Variants in TOPAZ1 observed in about 807,000 individuals in gnomAD.
TOPAZ1 encodes testis and ovary specific TOPAZ 1.
A neutral mutation model predicts 172.2 loss-of-function variants in TOPAZ1; 66 were observed. The observed-to-expected ratio is 0.38, with a 90% confidence interval of 0.31 to 0.47. The LOEUF (loss-of-function observed/expected upper bound fraction) is 0.47, where lower values mean the gene tolerates loss of function less well. Among genes scored for constraint, TOPAZ1 ranks in the 20% least tolerant of loss-of-function variants. The pLI is 0.99. For synonymous variants in TOPAZ1, 681 were observed against 683.9 expected (o/e 1.00, Z 0.07); for missense variants, 1,822 against 1,972.4 (o/e 0.92, Z 1.44).
rs1559527669 is a variant in TOPAZ1 at position 44,257,355 on chromosome 3, GTGT to G, written c.2955+1078_2955+1080del. Among the ~76,000 whole-genome samples the G allele has an allele frequency of 6.2e-3, 183 of 29,648 alleles. 1 individual carries two copies. Among genetic ancestry groups the G allele is most frequent in the African/African-American group, 0.021 (154 of 7,308 alleles). 19.5% of individuals were successfully genotyped at this position (29,648 alleles called of 152,430 possible). On this transcript the variant is annotated intron_variant, in intron 4 of 19. Coordinates refer to ENST00000309765, the MANE Select transcript of TOPAZ1 (RefSeq NM_001145030.2). Reference sequence around the variant, plus strand: ...GTCTCAAAAAAGAAAACATAGGGGTGTGTGTGTGTGTGTGTGTGTGTGTGTGTG... The same window carrying G: ...GTCTCAAAAAAGAAAACATAGGGGTGGTGTGTGTGTGTGTGTGTGTGTGTG...
chr3:44,323,490 T>C (rs1199719639), intron 18 of TOPAZ1, among the ~76,000 whole-genome samples, 195 bp downstream of exon 18: 1 of 152,242 alleles, frequency 6.6e-6, no homozygotes, highest in Non-Finnish European at 1.5e-5. Flanking sequence ...GCTTTCCTTA[T>C]TTCCAATGTT....
chr3:44,260,115 C>A (rs1419391085), intron 4 of TOPAZ1, among the ~76,000 whole-genome samples: 1 of 152,148 alleles, frequency 6.6e-6, no homozygotes, highest in Non-Finnish European at 1.5e-5. Context: ...CCTTGCTTCC[C>A]CTTCACCTTG....
intron 8 of TOPAZ1, among the ~76,000 whole-genome samples, chr3:44,274,952 G>T (rs901394206): frequency 6.6e-6 from 1 of 150,854 alleles, no homozygotes; most frequent in Non-Finnish European, 1.5e-5. Flanking sequence ...CATATTTATG[G>T]GGTATATGTG....
At chr3:44,312,085 CCAA>C (rs1306766497) in intron 16 of TOPAZ1, among the ~76,000 whole-genome samples, 9 of 151,808 alleles carry the variant, frequency 5.9e-5, no homozygotes, top group African/African-American at 2.2e-4. Context: ...TTTTGTTACA[CCAA>C]CAATGGTAAC....
chr3:44,256,031 AT>A, intron 3 of TOPAZ1, 119 bp from the exon 4 acceptor site: 1 of 591,308 alleles, frequency 1.7e-6, no homozygotes, highest in Non-Finnish European at 2.8e-6. Context: ...TCTGCTTCAT[AT>A]TTGTCACATT....
At chr3:44,310,693 C>T (rs1700388983) in intron 16 of TOPAZ1, among the ~76,000 whole-genome samples, 1 of 152,128 alleles carries the variant, frequency 6.6e-6, no homozygotes, top group African/African-American at 2.4e-5. Flanking sequence ...GAATGGAGGC[C>T]AAATTCAAAT....
intron 12 of TOPAZ1, among the ~76,000 whole-genome samples, chr3:44,302,556 A>G (rs1432319489): frequency 6.6e-6 from 1 of 152,162 alleles, no homozygotes; most frequent in African/African-American, 2.4e-5. Context: ...CTATTCCTGC[A>G]CTGGAACCAC....
intron 2 of TOPAZ1, 70 bp downstream of exon 2, chr3:44,245,341 C>G: frequency 1.4e-6 from 2 of 1,405,568 alleles, no homozygotes; most frequent in African/African-American, 1.5e-5. Context: ...TTAAGTTTCA[C>G]TAATGTATTC....
chr3:44,304,662 T>C (rs149220702), intron 13 of TOPAZ1, among the ~76,000 whole-genome samples: 308 of 152,362 alleles, frequency 2.0e-3, no homozygotes, highest in African/African-American at 6.3e-3. Context: ...AGAAAGATAA[T>C]AAGTTGATTG....
chr3:44,293,859 G>A (rs538742692), intron 12 of TOPAZ1, among the ~76,000 whole-genome samples: 86 of 152,300 alleles, frequency 5.6e-4, no homozygotes, highest in African/African-American at 1.8e-3. Flanking sequence ...TAGCCTAGGT[G>A]ATTAGTAGGC....
chr3:44,335,998 A>G (rs1700720416), downstream of TOPAZ1, among the ~76,000 whole-genome samples: 1 of 152,240 alleles, frequency 6.6e-6, no homozygotes, highest in African/African-American at 2.4e-5. Flanking sequence ...GGGAATTAAA[A>G]TAAGACCCCA....
At chr3:44,270,631 C>CTA (rs1263418776) in intron 7 of TOPAZ1, 54 bp from the exon 8 acceptor site, 2 of 1,369,714 alleles carry the variant, frequency 1.5e-6, no homozygotes, top group African/African-American at 2.9e-5. Context: ...TCTTGCTTAA[C>CTA]TATAGTAAGT....
chr3:44,276,642 TTTTTTTTTTTTCC>T (rs1699962187), intron 8 of TOPAZ1, among the ~76,000 whole-genome samples: 1 of 128,664 alleles, frequency 7.8e-6, no homozygotes, highest in African/African-American at 2.9e-5. Flanking sequence ...TTTTTTTTTT[TTTTTTTTTTTTCC>T]AGAATTGCTT....
intron 17 of TOPAZ1, among the ~76,000 whole-genome samples, chr3:44,321,484 C>T (rs1333978936): frequency 2.0e-5 from 3 of 152,160 alleles, no homozygotes; most frequent in Non-Finnish European, 4.4e-5. Flanking sequence ...TGTTTAAATG[C>T]CCTGAGCAAG....
Position 44,267,028 on chromosome 3 carries a change from G to T in TOPAZ1, c.3052G>T (p.Gly1018Cys). The T allele has an allele frequency of 6.5e-7, 1 of 1,545,632 alleles. No homozygotes were observed. ...KDSRNADFMVGECQFAVPVPK... is the reference protein window; with the variant it reads ...KDSRNADFMVCECQFAVPVPK... ...TTCTAGAAATGCAGACTTTATGGTC[G>T]GCGAATGTCAATTTGCAGTACCAGT... The change falls in exon 6 of 20, where the codon GGC becomes TGC. Residue 1018 changes from glycine (G) to cysteine (C), a missense_variant. Gly to Cys is a radical substitution (Grantham distance 159). Around this residue, in one of 2 missense-constraint regions of TOPAZ1, gnomAD observed 1,489 missense variants for 1,490.8 expected, o/e 1.00. Transcript: ENST00000309765.
chr3:44,315,906 C>T (rs1700446308), intron 16 of TOPAZ1, among the ~76,000 whole-genome samples: 1 of 151,826 alleles, frequency 6.6e-6, no homozygotes, highest in African/African-American at 2.4e-5. Flanking sequence ...TTCTGTTTTG[C>T]TTGAGTTTTT....
chr3:44,249,096 C>T (rs1699599540), intron 2 of TOPAZ1, among the ~76,000 whole-genome samples: 1 of 152,028 alleles, frequency 6.6e-6, no homozygotes, highest in Non-Finnish European at 1.5e-5. Context: ...TGAGGATTTC[C>T]ATAATAGTCA....
intron 5 of TOPAZ1, among the ~76,000 whole-genome samples, chr3:44,262,793 T>C (rs1281280494): frequency 6.6e-6 from 1 of 152,226 alleles, no homozygotes; most frequent in African/African-American, 2.4e-5. Context: ...CAGATTCACA[T>C]TGCAGTTTGC....
chr3:44,291,933 A>G (rs1700142923), intron 12 of TOPAZ1, among the ~76,000 whole-genome samples: 1 of 152,138 alleles, frequency 6.6e-6, no homozygotes, highest in South Asian at 2.1e-4. Context: ...TCCCTAGGCC[A>G]AAAGAAAGAT....
Sources: gnomAD v4.1 joint callset for allele counts (sites outside exome capture counted in the v4.1 genomes callset) on GRCh38, gnomAD v4.1.1 for gene constraint, gnomAD v4.1.1 regional missense constraint, MANE v1.5 for transcripts, NCBI Gene and HGNC (gene_info 2026-07-23, HGNC 2026-07-21) for gene names.